Variants in CPS1 observed in about 807,000 individuals in gnomAD.
The protein encoded by CPS1 is carbamoyl-phosphate synthase 1, also known as carbamoyl-phosphate synthase [ammonia], mitochondrial.
Under a neutral mutation model 174.6 loss-of-function variants are expected in CPS1, and 109 were observed. The ratio of observed to expected loss-of-function variants is 0.62; its 90% CI spans 0.53 to 0.73. The LOEUF (loss-of-function observed/expected upper bound fraction) is 0.73. Ranked by LOEUF, CPS1 falls within the 30% of genes least tolerant of loss-of-function variation. The pLI, the probability that CPS1 is intolerant of heterozygous loss-of-function variation, is 0.00. For synonymous variants in CPS1, 637 were observed against 632.0 expected, an observed-to-expected ratio of 1.01 and a Z score of -0.12; for missense variants, 1,689 against 1,821.9, an observed-to-expected ratio of 0.93 and a Z score of 1.33.
At chr2:210,597,084 G>T (rs144542803) in intron 13 of CPS1, among the ~76,000 whole-genome samples, 1 of 151,780 alleles carries the variant, frequency 6.6e-6, no homozygotes, top group African/African-American at 2.4e-5. Context: ...ATAAAAAATC[G>T]CCATATTCAT....
intron 1 of CPS1, among the ~76,000 whole-genome samples, chr2:210,534,520 C>A (rs1424447274): frequency 6.6e-6 from 1 of 152,100 alleles, no homozygotes; most frequent in Non-Finnish European, 1.5e-5. Flanking sequence ...GCATTGATTG[C>A]ATGTTTTTGT....
intron 25 of CPS1, among the ~76,000 whole-genome samples, chr2:210,643,685 A>G (rs1477832929): frequency 6.6e-6 from 1 of 152,168 alleles, no homozygotes; most frequent in Non-Finnish European, 1.5e-5. Flanking sequence ...ACTATTACAA[A>G]AGAAAGTAGA....
At chr2:210,511,254 C>G (rs959156326) in intron 1 of CPS1, among the ~76,000 whole-genome samples, 4 of 152,014 alleles carry the variant, frequency 2.6e-5, no homozygotes, top group Non-Finnish European at 4.4e-5. Flanking sequence ...AGCTGGAAAC[C>G]ATCATTCTCA....
At chr2:210,540,402 T>A (rs1696366424) in intron 1 of CPS1, among the ~76,000 whole-genome samples, 1 of 152,200 alleles carries the variant, frequency 6.6e-6, no homozygotes, top group Non-Finnish European at 1.5e-5. Context: ...TATCTATATA[T>A]CTATGTATGT....
chr2:210,556,234 C>G, upstream of CPS1: 1 of 403,766 alleles, frequency 2.5e-6, no homozygotes, highest in African/African-American at 2.1e-5. Flanking sequence ...CTTTTTACCC[C>G]AACAGAAAAT....
chr2:210,556,764 G>T lies in CPS1; in HGVS notation c.31G>T (p.Val11Leu), dbSNP rs754467312. MTRILTAFKV[V>L]RTLKTGFGFT... ...GAGGATTTTGACAGCTTTCAAAGTG[G>T]TGAGGACACTGAAGACTGGTTTTGG... Residue 11 changes from valine (V) to leucine (L), a missense_variant, in exon 1 of 38, where the codon GTG (valine) becomes TTG (leucine). Coordinates refer to ENST00000233072, the MANE Select transcript of CPS1 (RefSeq NM_001875.5). The T allele has an allele frequency of 6.2e-7, 1 of 1,612,978 alleles. No individual in the cohort carries two copies. Among genetic ancestry groups the T allele is most frequent in the Non-Finnish European group, 8.5e-7 (1 of 1,179,304 alleles).
At chr2:210,487,218 C>A (rs1694754914) in intron 1 of CPS1, among the ~76,000 whole-genome samples, 1 of 152,080 alleles carries the variant, frequency 6.6e-6, no homozygotes, top group African/African-American at 2.4e-5. Context: ...ACTCTTTTGT[C>A]TTTTCGTGTG....
intron 1 of CPS1, among the ~76,000 whole-genome samples, chr2:210,518,642 G>A (rs1298589296): frequency 6.6e-6 from 1 of 152,030 alleles, no homozygotes; most frequent in Non-Finnish European, 1.5e-5. Flanking sequence ...ATTCTGTGTA[G>A]CCTCATAGCT....
At position 210,556,606 on chromosome 2, in the gene CPS1, G is replaced by T; in HGVS notation, c.-128G>T. ...CAGAATGAATGGAAATTCAAAGATCGCTGTGCAGTCAGCCTTAAACACTGA... is the reference window on the plus strand; with the variant it reads ...CAGAATGAATGGAAATTCAAAGATCTCTGTGCAGTCAGCCTTAAACACTGA... On this transcript the variant is annotated 5_prime_UTR_variant, in exon 1 of 38. Transcript: ENST00000233072. The T allele has an allele frequency of 6.6e-7, 1 of 1,508,014 alleles. No homozygotes were observed. The highest frequency in any genetic ancestry group is 8.9e-7 in the Non-Finnish European group (1 of 1,129,108). The allele number at this position is 1,508,014 out of a possible 1,614,324, so 93.4% of individuals were successfully genotyped here. A position where few individuals can be genotyped will look rare whatever the true frequency, so the allele number is the denominator to read the frequency against.
rs764791605 is a variant in CPS1 at position 210,608,338 on chromosome 2, A to G, written c.2193-23A>G. 6 of 1,609,008 alleles carry G rather than the reference A, an allele frequency of 3.7e-6. No homozygotes were observed. The East Asian group carries it at 1.3e-4, about 36-fold the overall frequency. Reference sequence around the variant, plus strand: ...TCAATAATTGCTCGAAGAAAAAAAAATAAATTTGTCTTCTTTTTATAGCTA... The same window carrying G: ...TCAATAATTGCTCGAAGAAAAAAAAGTAAATTTGTCTTCTTTTTATAGCTA... On this transcript the variant is annotated intron_variant, in intron 18 of 37. Coordinates refer to ENST00000233072, the MANE Select transcript of CPS1 (RefSeq NM_001875.5).
intron 9 of CPS1, among the ~76,000 whole-genome samples, chr2:210,591,553 C>A (rs1167519873): frequency 1.3e-5 from 2 of 152,016 alleles, no homozygotes; most frequent in East Asian, 3.9e-4. Flanking sequence ...GGTGAGCAAC[C>A]CTTTTTGTTA....
intron 21 of CPS1, chr2:210,617,807 T>C (rs1210261870): frequency 6.6e-6 from 1 of 152,030 alleles, no homozygotes; most frequent in Non-Finnish European, 1.5e-5. Flanking sequence ...GACTTAAGTT[T>C]CCCTTTCTTG....
chr2:210,517,851 C>T (rs1695722715), intron 1 of CPS1, among the ~76,000 whole-genome samples: 1 of 151,936 alleles, frequency 6.6e-6, no homozygotes, highest in Non-Finnish European at 1.5e-5. Context: ...TTTGAACTGG[C>T]CAACCAAACG....
rs1319855310 is a variant in CPS1 at position 210,508,262 on chromosome 2, C to G, written c.3+30496C>G. ...CTCAACTACACGGAAACTGAACAAC[C>G]TGCTCCTGAGTGACTACTGGGTACA... On this transcript the variant is annotated intron_variant, in intron 1 of 38. Transcript: ENST00000430249. Among the ~76,000 whole-genome samples, 8 of 151,898 alleles carry G rather than the reference C, an allele frequency of 5.3e-5. No individual in the cohort carries two copies. In the South Asian group the frequency reaches 1.7e-3, roughly 32 times the overall value.
chr2:210,648,688 C>T, intron 27 of CPS1, 148 bp downstream of exon 27: 1 of 740,010 alleles, frequency 1.4e-6, no homozygotes, highest in South Asian at 1.5e-5. Flanking sequence ...AGTTTAAGGA[C>T]CAATGTGTGG....
At chr2:210,534,416 C>A (rs943899146) in intron 1 of CPS1, among the ~76,000 whole-genome samples, 8 of 152,212 alleles carry the variant, frequency 5.3e-5, no homozygotes, top group Non-Finnish European at 7.3e-5. Flanking sequence ...ACTCCTGTAA[C>A]AACTCCTCAA....
chr2:210,563,492 A>G (rs1159827658), intron 1 of CPS1, among the ~76,000 whole-genome samples: 1 of 152,150 alleles, frequency 6.6e-6, no homozygotes, highest in Non-Finnish European at 1.5e-5. Flanking sequence ...TTCCTCTTAT[A>G]GTCCTGTAAG....
At chr2:210,588,917 T>C (rs1340491166) in intron 7 of CPS1, among the ~76,000 whole-genome samples, 1 of 152,148 alleles carries the variant, frequency 6.6e-6, no homozygotes, top group Admixed American at 6.6e-5. Context: ...GTGGATGGCC[T>C]GTGTATATCT....
intron 1 of CPS1, among the ~76,000 whole-genome samples, chr2:210,537,705 T>C (rs928402938): frequency 6.6e-6 from 1 of 152,196 alleles, no homozygotes; most frequent in Non-Finnish European, 1.5e-5. Context: ...AATGATTATT[T>C]TAGGATCAGA....
Sources: allele counts gnomAD v4.1 joint callset (sites outside exome capture counted in the v4.1 genomes callset), GRCh38; gene constraint gnomAD v4.1.1; transcripts MANE v1.5; gene names NCBI Gene and HGNC (gene_info 2026-07-23, HGNC 2026-07-21).